The following STAU2 variants were observed in gnomAD, a reference collection of about 807,000 sequenced individuals.
STAU2 encodes the protein double-stranded RNA-binding protein Staufen homolog 2.
In STAU2, 20 loss-of-function variants were observed where a neutral mutation model predicts 65.9. The observed-to-expected ratio is 0.30, with a 90% CI of 0.21 to 0.44. The LOEUF (loss-of-function observed/expected upper bound fraction) is 0.44. Ranked by LOEUF, STAU2 falls within the 20% of genes least tolerant of loss-of-function variation. The probability of loss-of-function intolerance (pLI) is 1.00; values close to 1 mark genes in which losing one functional copy is unlikely to be tolerated. For synonymous variants in STAU2, 232 were observed against 233.9 expected (o/e 0.99, Z 0.07); for missense variants, 558 against 683.9 (o/e 0.82, Z 2.05).
At chr8:73,658,943 C>CAACAACAACAACAAAAA (rs373405572) in intron 6 of STAU2, among the ~76,000 whole-genome samples, 1 of 141,890 alleles carries the variant, frequency 7.0e-6, no homozygotes, top group African/African-American at 2.5e-5. Context: ...ACAAAAACAA[C>CAACAACAACAACAAAAA]AAAAAAAAAA....
chr8:73,529,892 T>G (rs1301847697), intron 13 of STAU2, among the ~76,000 whole-genome samples: 6 of 152,180 alleles, frequency 3.9e-5, no homozygotes, highest in African/African-American at 1.4e-4. Context: ...AAGCTCAAAA[T>G]AAAAAACCAT....
intron 3 of STAU2, among the ~76,000 whole-genome samples, chr8:73,737,791 T>C (rs767083611): frequency 6.6e-6 from 1 of 151,820 alleles, no homozygotes; most frequent in Non-Finnish European, 1.5e-5. Flanking sequence ...TGGAGAAACG[T>C]CAAGAACTAA....
chr8:73,624,090 T>C (rs1813465370), intron 6 of STAU2, among the ~76,000 whole-genome samples: 1 of 152,118 alleles, frequency 6.6e-6, no homozygotes, highest in African/African-American at 2.4e-5. Context: ...TGATGTTCTT[T>C]CCTCTCATAA....
chr8:73,736,731 T>G (rs1563538842), intron 3 of STAU2, among the ~76,000 whole-genome samples: 1 of 152,186 alleles, frequency 6.6e-6, no homozygotes, highest in East Asian at 1.9e-4. Flanking sequence ...TACATGAGTT[T>G]GGAGCTCAGA....
chr8:73,561,795 A>G (rs1263327136), intron 12 of STAU2, among the ~76,000 whole-genome samples: 1 of 152,234 alleles, frequency 6.6e-6, no homozygotes, highest in Non-Finnish European at 1.5e-5. Context: ...ACTAGATATC[A>G]GGCTTGTTCC....
intron 6 of STAU2, among the ~76,000 whole-genome samples, chr8:73,649,065 C>T (rs1287253814): frequency 6.6e-6 from 1 of 152,198 alleles, no homozygotes; most frequent in Non-Finnish European, 1.5e-5. Context: ...CTTGCCCTCC[C>T]AAAGTGCTGG....
Position 73,709,039 on chromosome 8 carries a change from T to G in STAU2, c.107A>C (p.His36Pro). The part of the protein sequence containing the change: ...YKLLNERGPA[H>P]SKMFSVQLSL... ...CTCTCTTCATAACCTTACCTTTGAATGAGCAGGCCCTCTTTCATTCAGAAG... is the reference window on the plus strand; with the variant it reads ...CTCTCTTCATAACCTTACCTTTGAAGGAGCAGGCCCTCTTTCATTCAGAAG... Residue 36 changes from histidine (H) to proline (P), a missense_variant, in exon 4 of 15, where the codon CAT becomes CCT. Physicochemically the swap from His to Pro is moderately conservative, Grantham distance 77. This residue lies in a region of STAU2 where 112 missense variants were observed against 114.2 expected (regional missense o/e 0.98). Coordinates refer to ENST00000524300, the MANE Select transcript of STAU2 (RefSeq NM_001164380.2). 6.6e-7 allele frequency: 1 copy of G among 1,523,872 alleles called. No homozygotes were observed. Among genetic ancestry groups the G allele is most frequent in the Non-Finnish European group, 8.8e-7 (1 of 1,141,138 alleles). The allele number at this position is 1,523,872 out of a possible 1,614,324, so 94.4% of individuals were successfully genotyped here.
intron 6 of STAU2, among the ~76,000 whole-genome samples, chr8:73,628,534 AG>A (rs1813856678): frequency 6.6e-6 from 1 of 152,192 alleles, no homozygotes; most frequent in Non-Finnish European, 1.5e-5. Context: ...TCTTTGGTTA[AG>A]GGTTCTCTGA....
chr8:73,673,865 A>T (rs987482927), intron 5 of STAU2, among the ~76,000 whole-genome samples: 12 of 152,208 alleles, frequency 7.9e-5, no homozygotes, highest in African/African-American at 2.9e-4. Flanking sequence ...ACAACCATCA[A>T]TGCAGCATCA....
chr8:73,742,755 G>A (rs1328847184), intron 1 of STAU2, among the ~76,000 whole-genome samples: 1 of 151,864 alleles, frequency 6.6e-6, no homozygotes, highest in Non-Finnish European at 1.5e-5. Context: ...TGATGCTCAT[G>A]AAGAATGGCC....
At chr8:73,600,637 A>T (rs1361903699) in intron 10 of STAU2, among the ~76,000 whole-genome samples, 1 of 152,208 alleles carries the variant, frequency 6.6e-6, no homozygotes, top group Non-Finnish European at 1.5e-5. Flanking sequence ...TGGTGAAAAG[A>T]TTAGGCCAGT....
At chr8:73,467,244 T>C (rs1819705796) in intron 13 of STAU2, among the ~76,000 whole-genome samples, 2 of 152,154 alleles carry the variant, frequency 1.3e-5, no homozygotes, top group Non-Finnish European at 2.9e-5. Flanking sequence ...ATTGATTAGT[T>C]CTTCTCGGCC....
intron 5 of STAU2, among the ~76,000 whole-genome samples, chr8:73,685,463 G>A (rs554909474): frequency 1.3e-4 from 20 of 149,096 alleles, no homozygotes; most frequent in Middle Eastern, 3.6e-3. Context: ...TGCAACCTCC[G>A]CCTCCCGGGT....
At chr8:73,564,479 C>A (rs540533857) in intron 12 of STAU2, among the ~76,000 whole-genome samples, 6 of 151,860 alleles carry the variant, frequency 4.0e-5, no homozygotes, top group African/African-American at 1.2e-4. Flanking sequence ...CACACTGGAG[C>A]CTATCGAAGG....
chr8:73,597,146 C>T (rs1811241787), intron 10 of STAU2, among the ~76,000 whole-genome samples: 2 of 151,752 alleles, frequency 1.3e-5, no homozygotes, highest in Admixed American at 1.3e-4. Context: ...AAATACAAAA[C>T]AAAGTACAAT....
chr8:73,739,252 A>AT (rs57174959), intron 2 of STAU2, among the ~76,000 whole-genome samples: 6 of 151,142 alleles, frequency 4.0e-5, no homozygotes, highest in South Asian at 2.1e-4. Flanking sequence ...AAAAAAAAAA[A>AT]TTTTAATTTG....
intron 12 of STAU2, among the ~76,000 whole-genome samples, chr8:73,570,984 C>T (rs1347274582): frequency 6.6e-6 from 1 of 152,116 alleles, no homozygotes; most frequent in Non-Finnish European, 1.5e-5. Flanking sequence ...CATCAGTGTG[C>T]TGTATTCAGG....
intron 12 of STAU2, among the ~76,000 whole-genome samples, chr8:73,568,062 C>T (rs1156792477): frequency 2.0e-5 from 3 of 152,152 alleles, no homozygotes; most frequent in Non-Finnish European, 2.9e-5. Flanking sequence ...TCTGCACTGC[C>T]TTCCTGAACC....
chr8:73,495,662 AATATAT>A (rs3032943), intron 13 of STAU2, among the ~76,000 whole-genome samples: 58,019 of 132,488 alleles, frequency 0.44, 13,697 homozygotes, highest in Non-Finnish European at 0.52. Context: ...CATAAAGCCA[AATATAT>A]ATATATATAT....
Sources: gnomAD v4.1 joint callset for allele counts (sites outside exome capture counted in the v4.1 genomes callset) on GRCh38, gnomAD v4.1.1 for gene constraint, gnomAD v4.1.1 regional missense constraint, MANE v1.5 for transcripts, NCBI Gene and HGNC (gene_info 2026-07-23, HGNC 2026-07-21) for gene names.